Variants in KTN1 observed in about 807,000 individuals in gnomAD.
KTN1 encodes the protein kinectin.
A neutral mutation model predicts 222.5 loss-of-function variants in KTN1; 130 were observed. The observed-to-expected ratio is 0.58, with a 90% CI of 0.51 to 0.68. The LOEUF (loss-of-function observed/expected upper bound fraction) is 0.68. KTN1 is among the 30% of genes least tolerant of loss of function. KTN1 has a pLI of 0.00. For missense variants in KTN1, 1,508 were observed against 1,500.4 expected (o/e 1.01, Z -0.08); for synonymous variants, 512 against 496.3 (o/e 1.03, Z -0.42).
intron 7 of KTN1, among the ~76,000 whole-genome samples, chr14:55,631,349 T>G (rs908739404): frequency 3.5e-5 from 5 of 141,044 alleles, no homozygotes; most frequent in African/African-American, 5.4e-5. Context: ...TTGATATATA[T>G]ATATATATAT....
chr14:55,670,713 C>G lies in KTN1; in HGVS notation c.3268-16C>G, dbSNP rs1566843019. ...TTTCTTTGGAAATTAATGATTTTAACTTTTCTCGTCCACAGAGTTATGGTG... is the reference window on the plus strand; with the variant it reads ...TTTCTTTGGAAATTAATGATTTTAAGTTTTCTCGTCCACAGAGTTATGGTG... On this transcript the variant is annotated splice_polypyrimidine_tract_variant and intron_variant, in intron 34 of 43. Coordinates refer to ENST00000395314, the MANE Select transcript of KTN1 (RefSeq NM_001079521.2). 6.6e-7 allele frequency: 1 copy of G among 1,517,392 alleles called. No individual in the cohort carries two copies. The highest frequency in any genetic ancestry group is 8.9e-7 in the Non-Finnish European group (1 of 1,120,450). The allele number at this position is 1,517,392 out of a possible 1,614,324, so 94.0% of individuals were successfully genotyped here. A position where few individuals can be genotyped will look rare whatever the true frequency, so the allele number is the denominator to read the frequency against.
chr14:55,662,240 T>C (rs1380706930), intron 32 of KTN1, among the ~76,000 whole-genome samples: 2 of 151,990 alleles, frequency 1.3e-5, no homozygotes, highest in African/African-American at 4.8e-5. Flanking sequence ...CTAATGTTTT[T>C]TGTATTTTTA....
intron 1 of KTN1, among the ~76,000 whole-genome samples, chr14:55,593,593 G>A (rs558466979): frequency 3.9e-4 from 60 of 152,176 alleles, no homozygotes; most frequent in African/African-American, 1.4e-3. Context: ...AAAATAAAGA[G>A]ATAGGTATAG....
intron 1 of KTN1, among the ~76,000 whole-genome samples, chr14:55,583,636 G>A (rs755446295): frequency 6.6e-6 from 1 of 152,096 alleles, no homozygotes; most frequent in Non-Finnish European, 1.5e-5. Context: ...AACTTGACAT[G>A]CTCAGTCCTT....
chr14:55,637,075 C>T, intron 10 of KTN1, 123 bp from the exon 11 acceptor site: 1 of 638,480 alleles, frequency 1.6e-6, no homozygotes, highest in Non-Finnish European at 2.6e-6. Context: ...CAGGAGCATG[C>T]AAGAATGGAA....
rs377037826 is a variant in KTN1 at position 55,598,296 on chromosome 14, G to A, written c.-30-13723G>A. ...TAAATATACAAAAAATTAGCCGGGC[G>A]TGTTGGCGGGCGCCTGTAGTCCCAG... On this transcript the variant is annotated intron_variant, in intron 1 of 43. Transcript: ENST00000395314. Among the ~76,000 whole-genome samples, 76 of 152,084 alleles carry A rather than the reference G, an allele frequency of 5.0e-4. 2 individuals carry two copies. The South Asian group carries it at 0.015, about 31-fold the overall frequency.
intron 25 of KTN1, among the ~76,000 whole-genome samples, chr14:55,652,492 G>A (rs1039784012): frequency 4.2e-5 from 6 of 143,658 alleles, no homozygotes; most frequent in African/African-American, 1.6e-4. Context: ...TCCACCTCCC[G>A]GGTTCAAGTG....
At chr14:55,592,750 T>C (rs988437362) in intron 1 of KTN1, among the ~76,000 whole-genome samples, 1 of 152,238 alleles carries the variant, frequency 6.6e-6, no homozygotes, top group African/African-American at 2.4e-5. Context: ...TCTTAAATTG[T>C]TTTGCACATA....
At chr14:55,655,927 G>C (rs566643225) in intron 28 of KTN1, 115 bp from the exon 29 acceptor site, 1 of 546,614 alleles carries the variant, frequency 1.8e-6, no homozygotes, top group African/African-American at 1.9e-5. Context: ...TAATATGGGG[G>C]AAAAAAAGCT....
chr14:55,670,675 T>A, intron 34 of KTN1, 54 bp from the exon 35 acceptor site: 1 of 1,291,320 alleles, frequency 7.7e-7, no homozygotes, highest in Non-Finnish European at 1.1e-6. Context: ...ACCTGTTTTA[T>A]TTGGATTTTT....
intron 19 of KTN1, among the ~76,000 whole-genome samples, chr14:55,647,683 C>G (rs1238444120): frequency 7.6e-6 from 1 of 132,410 alleles, no homozygotes; most frequent in Non-Finnish European, 1.6e-5. Flanking sequence ...GTGGCTGATG[C>G]TGGTAATCCC....
At chr14:55,628,150 C>A (rs904938758) in intron 6 of KTN1, 122 bp downstream of exon 6, 1 of 636,620 alleles carries the variant, frequency 1.6e-6, no homozygotes, top group South Asian at 2.0e-5. Context: ...AAGTAACTTT[C>A]CTTTAGAGTT....
intron 40 of KTN1, chr14:55,673,496 A>G (rs376463158): frequency 3.1e-6 from 1 of 321,082 alleles, no homozygotes; most frequent in African/African-American, 2.1e-5. Context: ...CTCTTTTTCA[A>G]AATTTTCCAT....
intron 20 of KTN1, among the ~76,000 whole-genome samples, chr14:55,648,336 G>C (rs1360024993): frequency 6.6e-6 from 1 of 152,166 alleles, no homozygotes; most frequent in Non-Finnish European, 1.5e-5. Context: ...TAGTTTGTCA[G>C]TTTCCCCACT....
At chr14:55,635,233 T>TA (rs1313490311) in intron 9 of KTN1, among the ~76,000 whole-genome samples, 4 of 152,172 alleles carry the variant, frequency 2.6e-5, no homozygotes, top group African/African-American at 9.7e-5. Flanking sequence ...AATTTGAAGT[T>TA]AAAGACCGTT....
intron 1 of KTN1, among the ~76,000 whole-genome samples, chr14:55,581,932 A>C (rs1426960176): frequency 5.4e-5 from 8 of 149,136 alleles, no homozygotes; most frequent in South Asian, 2.1e-4. Context: ...TAGTTTAAGG[A>C]TCTAACCTGA....
intron 40 of KTN1, 120 bp from the exon 41 acceptor site, chr14:55,675,715 G>A (rs1254833256): frequency 4.9e-6 from 3 of 614,492 alleles, no homozygotes. Flanking sequence ...CAGCATATTG[G>A]CTAATCCACT....
chr14:55,587,266 A>G (rs1434271607), intron 1 of KTN1, among the ~76,000 whole-genome samples: 1 of 152,212 alleles, frequency 6.6e-6, no homozygotes, highest in Non-Finnish European at 1.5e-5. Context: ...TTGGTATGCC[A>G]TATAAAGTGA....
intron 8 of KTN1, 68 bp downstream of exon 8, chr14:55,633,409 A>G (rs2040751417): frequency 1.2e-6 from 1 of 839,668 alleles, no homozygotes; most frequent in African/African-American, 1.8e-5. Flanking sequence ...CAAAATATTA[A>G]TAGCGTTTGA....
Sources: gnomAD v4.1 joint callset for allele counts (sites outside exome capture counted in the v4.1 genomes callset) on GRCh38, gnomAD v4.1.1 for gene constraint, MANE v1.5 for transcripts, NCBI Gene and HGNC (gene_info 2026-07-23, HGNC 2026-07-21) for gene names.